Variants in STK3 observed in about 807,000 individuals in gnomAD.
The protein encoded by STK3 is serine/threonine kinase 3.
A neutral mutation model predicts 58.0 loss-of-function variants in STK3; 41 were observed. The observed-to-expected ratio is 0.71, with a 90% CI of 0.55 to 0.92. The LOEUF (loss-of-function observed/expected upper bound fraction) is 0.92. Ranked by LOEUF, STK3 falls within the 40% of genes least tolerant of loss-of-function variation. The probability of loss-of-function intolerance (pLI) is 0.00; values close to 1 mark genes in which losing one functional copy is unlikely to be tolerated. For missense variants in STK3, 479 were observed against 602.7 expected, an observed-to-expected ratio of 0.79 and a Z score of 2.15; for synonymous variants, 170 against 191.0, an observed-to-expected ratio of 0.89 and a Z score of 0.91.
At chr8:98,799,967 T>G (rs1370596149) in intron 1 of STK3, among the ~76,000 whole-genome samples, 1 of 152,124 alleles carries the variant, frequency 6.6e-6, no homozygotes, top group Non-Finnish European at 1.5e-5. Context: ...GAGTGTTGTT[T>G]TTACACTAAT....
intron 3 of STK3, among the ~76,000 whole-genome samples, chr8:98,759,767 G>A (rs1460713211): frequency 6.6e-6 from 1 of 152,182 alleles, no homozygotes; most frequent in Non-Finnish European, 1.5e-5. Flanking sequence ...GACTAAGCCA[G>A]TATATGGACT....
chr8:98,720,014 T>C (rs1017476174), intron 4 of STK3, among the ~76,000 whole-genome samples: 8 of 152,226 alleles, frequency 5.3e-5, no homozygotes, highest in African/African-American at 1.9e-4. Flanking sequence ...TTCATACAAG[T>C]ACATGAATAG....
At chr8:98,834,795 A>G (rs917076273) in intron 3 of STK3, among the ~76,000 whole-genome samples, 2 of 152,358 alleles carry the variant, frequency 1.3e-5, no homozygotes, top group South Asian at 2.1e-4. Context: ...AGACACCGTA[A>G]TTCATAAACT....
chr8:98,891,234 G>A (rs1051283639), intron 1 of STK3, among the ~76,000 whole-genome samples: 7 of 152,188 alleles, frequency 4.6e-5, no homozygotes, highest in South Asian at 4.1e-4. Flanking sequence ...TGGCAGCCCC[G>A]GGAGAAACAG....
At chr8:98,641,831 A>G (rs753915489) in intron 6 of STK3, among the ~76,000 whole-genome samples, 13 of 152,220 alleles carry the variant, frequency 8.5e-5, no homozygotes, top group Non-Finnish European at 1.9e-4. Flanking sequence ...CTCTCTGCCT[A>G]TAACAATCAA....
At chr8:98,577,816 G>C (rs765694010) in intron 8 of STK3, among the ~76,000 whole-genome samples, 1 of 151,952 alleles carries the variant, frequency 6.6e-6, no homozygotes, top group Non-Finnish European at 1.5e-5. Context: ...ATGTTTTGGG[G>C]GTACATGATA....
chr8:98,657,669 C>G (rs1298746218), intron 6 of STK3, among the ~76,000 whole-genome samples: 1 of 151,740 alleles, frequency 6.6e-6, no homozygotes, highest in Non-Finnish European at 1.5e-5. Flanking sequence ...CCTTATCACT[C>G]AAGAATTGAT....
At chr8:98,533,248 A>G (rs1207814577) in intron 9 of STK3, among the ~76,000 whole-genome samples, 1 of 152,114 alleles carries the variant, frequency 6.6e-6, no homozygotes, top group Non-Finnish European at 1.5e-5. Context: ...TCTTTTTTAA[A>G]TAAGTTTTTC....
chr8:98,885,295 G>A (rs1451259277), intron 1 of STK3, among the ~76,000 whole-genome samples: 1 of 152,216 alleles, frequency 6.6e-6, no homozygotes, highest in Non-Finnish European at 1.5e-5. Context: ...AGTAAAGGAG[G>A]CTTCAGACCA....
intron 7 of STK3, among the ~76,000 whole-genome samples, chr8:98,591,300 G>A (rs1182970488): frequency 1.3e-5 from 2 of 152,208 alleles, no homozygotes; most frequent in Non-Finnish European, 2.9e-5. Context: ...ATTGTGTTTT[G>A]TGTTTTCACA....
chr8:98,531,206 T>C (rs1446211492), intron 9 of STK3, among the ~76,000 whole-genome samples: 1 of 152,244 alleles, frequency 6.6e-6, no homozygotes, highest in Non-Finnish European at 1.5e-5. Flanking sequence ...GCAATCATTA[T>C]TTATGGCAGA....
intron 6 of STK3, among the ~76,000 whole-genome samples, chr8:98,621,455 G>A (rs927250978): frequency 4.6e-5 from 7 of 152,116 alleles, no homozygotes; most frequent in African/African-American, 1.7e-4. Context: ...TGAGTAGTGA[G>A]AGTGAACATC....
chr8:98,682,917 G>A (rs1823740881), intron 6 of STK3, among the ~76,000 whole-genome samples: 1 of 152,006 alleles, frequency 6.6e-6, no homozygotes, highest in South Asian at 2.1e-4. Flanking sequence ...TAAAATAAAT[G>A]CTAGCTTAAA....
chr8:98,660,238 G>A (rs1821861410), intron 6 of STK3, among the ~76,000 whole-genome samples: 1 of 151,986 alleles, frequency 6.6e-6, no homozygotes, highest in Non-Finnish European at 1.5e-5. Context: ...GAGACAGAAA[G>A]TAGAATGGTA....
At chr8:98,360,296 T>G in the STK3 span, among the ~76,000 whole-genome samples, 2 of 152,176 alleles carry the variant, frequency 1.3e-5, no homozygotes, top group Non-Finnish European at 2.9e-5. Context: ...CTTATCTCTC[T>G]TGCACCATTT....
intron 3 of STK3, among the ~76,000 whole-genome samples, chr8:98,416,772 A>C (rs1267266056): frequency 3.3e-5 from 5 of 152,254 alleles, no homozygotes; most frequent in African/African-American, 1.2e-4. Context: ...AGAGAAATGA[A>C]AAATTAGCTT....
chr8:98,767,115 CT>C lies in STK3; in HGVS notation c.236+127del, dbSNP rs986419207. On this transcript the variant is annotated intron_variant, in intron 3 of 10. Coordinates refer to ENST00000419617, the MANE Select transcript of STK3 (RefSeq NM_006281.4). ...CAGCCTGGGCAACAACGGCAAAACC[CT>C]GTCTCAAAAAAAAGAAAAGAAAAAG... The C allele has an allele frequency of 5.1e-5, 59 of 1,159,762 alleles. No homozygotes were observed. In the African/African-American group the frequency reaches 8.7e-4, roughly 17 times the overall value. 71.8% of individuals were successfully genotyped at this position (1,159,762 alleles called of 1,614,324 possible). A position where few individuals can be genotyped will look rare whatever the true frequency, so the allele number is the denominator to read the frequency against.
At chr8:98,508,735 AT>A (rs1824277672) in intron 10 of STK3, among the ~76,000 whole-genome samples, 1 of 152,148 alleles carries the variant, frequency 6.6e-6, no homozygotes, top group East Asian at 1.9e-4. Flanking sequence ...GGGGAAAATT[AT>A]GGGAAAACAA....
intron 8 of STK3, among the ~76,000 whole-genome samples, chr8:98,549,390 G>T (rs1344750984): frequency 1.3e-5 from 2 of 152,054 alleles, no homozygotes; most frequent in Non-Finnish European, 2.9e-5. Flanking sequence ...ACGCTTATTA[G>T]CCATTTGTAT....
Sources: gnomAD v4.1 joint callset for allele counts (sites outside exome capture counted in the v4.1 genomes callset) on GRCh38, gnomAD v4.1.1 for gene constraint, MANE v1.5 for transcripts, NCBI Gene and HGNC (gene_info 2026-07-23, HGNC 2026-07-21) for gene names.